Variants in ZIM2 observed in about 807,000 individuals in gnomAD.
ZIM2 encodes zinc finger protein 656.
ZIM2 carries 14 observed loss-of-function variants against 38.6 expected under a neutral mutation model. That is an observed-to-expected ratio of 0.36 (90% CI 0.24 to 0.57). The LOEUF (loss-of-function observed/expected upper bound fraction) is 0.57, where lower values mean the gene tolerates loss of function less well. ZIM2 is among the 20% of genes least tolerant of loss of function. The pLI, the probability that ZIM2 is intolerant of heterozygous loss-of-function variation, is 0.81. For missense variants in ZIM2, 680 were observed against 695.1 expected (o/e 0.98, Z 0.24); for synonymous variants, 247 against 245.8 (o/e 1.00, Z -0.04).
intron 10 of ZIM2, among the ~76,000 whole-genome samples, chr19:56,786,405 C>T (rs962849473): frequency 8.5e-5 from 13 of 152,064 alleles, no homozygotes; most frequent in African/African-American, 3.1e-4. Context: ...CACCGGTAGA[C>T]GTTGGTGAAT....
At chr19:56,826,810 G>C (rs912851477) in intron 2 of ZIM2, among the ~76,000 whole-genome samples, 4 of 152,110 alleles carry the variant, frequency 2.6e-5, no homozygotes, top group Admixed American at 2.6e-4. Flanking sequence ...AATAAGACAA[G>C]AAAAACACAT....
At chr19:56,788,619 ATG>A (rs1267306237) in intron 10 of ZIM2, among the ~76,000 whole-genome samples, 1 of 152,050 alleles carries the variant, frequency 6.6e-6, no homozygotes, top group Non-Finnish European at 1.5e-5. Flanking sequence ...TGATGATTAT[ATG>A]TGTCTTGGAG....
intron 10 of ZIM2, among the ~76,000 whole-genome samples, chr19:56,785,320 G>A (rs1432903480): frequency 1.3e-5 from 2 of 151,930 alleles, no homozygotes; most frequent in African/African-American, 2.4e-5. Context: ...AGGGACAGAG[G>A]GCTACTCTCA....
chr19:56,800,258 C>T (rs185304312), intron 9 of ZIM2, among the ~76,000 whole-genome samples: 28 of 152,028 alleles, frequency 1.8e-4, no homozygotes, highest in Admixed American at 4.6e-4. Flanking sequence ...GGGAAAAATG[C>T]TTGTAGACAG....
intron 9 of ZIM2, chr19:56,816,745 C>G (rs1303260700): frequency 6.2e-7 from 1 of 1,614,028 alleles, no homozygotes; most frequent in African/African-American, 1.3e-5. Context: ...CTTACACACC[C>G]TGCACTCGTA....
chr19:56,816,214 C>T (rs549380382), intron 9 of ZIM2: 2 of 1,614,182 alleles, frequency 1.2e-6, no homozygotes, highest in Non-Finnish European at 1.7e-6. Context: ...GTCCTCATCA[C>T]TTTCAAGAGG....
At chr19:56,831,435 C>T (rs2061560638) in intron 2 of ZIM2, among the ~76,000 whole-genome samples, 1 of 152,202 alleles carries the variant, frequency 6.6e-6, no homozygotes, top group East Asian at 1.9e-4. Flanking sequence ...CTCAAGCATG[C>T]ATTTCTAGAA....
At chr19:56,816,762 G>C (rs986516947) in intron 9 of ZIM2, 3 of 1,614,086 alleles carry the variant, frequency 1.9e-6, no homozygotes, top group Non-Finnish European at 2.5e-6. Flanking sequence ...CGTAGAATTT[G>C]TCTTTGCCAT....
At chr19:56,810,473 G>C in intron 9 of ZIM2, 1 of 984,806 alleles carries the variant, frequency 1.0e-6, no homozygotes, top group Non-Finnish European at 1.2e-6. Flanking sequence ...TCACAGACTA[G>C]TGCACAGATC....
At chr19:56,788,619 A>G (rs1240812206) in intron 10 of ZIM2, among the ~76,000 whole-genome samples, 3 of 152,050 alleles carry the variant, frequency 2.0e-5, no homozygotes, top group Non-Finnish European at 4.4e-5. Context: ...TGATGATTAT[A>G]TGTGTCTTGG....
chr19:56,822,695 C>T (rs1001208437), intron 6 of ZIM2, 58 bp downstream of exon 6: 1 of 1,598,378 alleles, frequency 6.3e-7, no homozygotes, highest in African/African-American at 1.3e-5. Flanking sequence ...TCCCCTTGAA[C>T]CTGTGCACAG....
chr19:56,823,546 T>TG (rs1284834280), intron 5 of ZIM2, 44 bp downstream of exon 5: 1 of 1,612,230 alleles, frequency 6.2e-7, no homozygotes, highest in Non-Finnish European at 8.5e-7. Flanking sequence ...TGGAAGCATC[T>TG]GGCAGCGCCT....
rs771740019 is a variant in ZIM2 at position 56,779,413 on chromosome 19, T to C, written c.799A>G (p.Met267Val). 2.9e-5 allele frequency: 46 copies of C among 1,613,846 alleles called. No homozygotes were observed. Among genetic ancestry groups the C allele is most frequent in the Admixed American group, 5.0e-5 (3 of 59,994 alleles). Residue 267 changes from methionine (M) to valine (V), a missense_variant, in exon 12 of 13, where the codon ATG becomes GTG. Coordinates refer to ENST00000629319, the MANE Select transcript of ZIM2 (RefSeq NM_001387356.1). Reference sequence around the variant, plus strand: ...ACTGTATGTCTGCTGTCTGTCTCCATTGCATATGATTCCTCCTCTTCCAGG... The same window carrying C: ...ACTGTATGTCTGCTGTCTGTCTCCACTGCATATGATTCCTCCTCTTCCAGG... ...SRLEEEESYA[M>V]ETDSRHTVIC...
At chr19:56,811,793 TC>T in intron 9 of ZIM2, 1 of 985,452 alleles carries the variant, frequency 1.0e-6, no homozygotes, top group Non-Finnish European at 1.2e-6. Flanking sequence ...AAACTCCTTT[TC>T]CAAACTGCTC....
At chr19:56,789,518 AG>A (rs1482686248) in intron 10 of ZIM2, among the ~76,000 whole-genome samples, 1 of 152,230 alleles carries the variant, frequency 6.6e-6, no homozygotes, top group Non-Finnish European at 1.5e-5. Flanking sequence ...AAACCACACA[AG>A]GGTTTTTCTG....
chr19:56,806,062 A>C (rs1040487559), intron 9 of ZIM2, among the ~76,000 whole-genome samples: 18 of 152,346 alleles, frequency 1.2e-4, no homozygotes, highest in African/African-American at 4.1e-4. Flanking sequence ...GTGGTTATAA[A>C]AATAATGTAT....
At chr19:56,817,956 C>T (rs1003005904) in intron 8 of ZIM2, 118 bp from the exon 9 acceptor site, 12 of 719,512 alleles carry the variant, frequency 1.7e-5, no homozygotes, top group Non-Finnish European at 2.6e-5. Flanking sequence ...CATCTGATTC[C>T]TTGGATGTCA....
intron 9 of ZIM2, chr19:56,815,555 G>A (rs373249520): frequency 1.1e-4 from 185 of 1,613,796 alleles, no homozygotes; most frequent in South Asian, 3.7e-4. Flanking sequence ...CCTCGAGGGC[G>A]AAATGTTTGT....
Position 56,775,341 on chromosome 19 carries a change from C to T in ZIM2, c.1024G>A (p.Ala342Thr), listed in dbSNP as rs774957657. The T allele has an allele frequency of 7.4e-6, 12 of 1,614,060 alleles. No individual in the cohort carries two copies. Among genetic ancestry groups the T allele is most frequent in the Non-Finnish European group, 4.2e-6 (5 of 1,180,034 alleles). ...PLGKDPQEGT[A>T]PGICTSPQSA... ...TGGGGACTCGTACATATTCCAGGAG[C>T]AGTGCCTTCCTGGGGATCCTTTCCT... The change falls in exon 13 of 13, where the codon GCT (alanine) becomes ACT (threonine). Residue 342 changes from alanine to threonine, a missense_variant. Coordinates refer to ENST00000629319, the MANE Select transcript of ZIM2 (RefSeq NM_001387356.1).
Sources: allele counts gnomAD v4.1 joint callset (sites outside exome capture counted in the v4.1 genomes callset), GRCh38; gene constraint gnomAD v4.1.1; transcripts MANE v1.5; gene names NCBI Gene and HGNC (gene_info 2026-07-23, HGNC 2026-07-21).